NLGN1: variants seen among roughly 807,000 people sequenced by gnomAD.
The protein encoded by NLGN1 is neuroligin-1.
NLGN1 carries 12 observed loss-of-function variants against 65.5 expected under a neutral mutation model. That is an observed-to-expected ratio of 0.18 (90% CI 0.12 to 0.30). The LOEUF (loss-of-function observed/expected upper bound fraction) is 0.30, where lower values mean the gene tolerates loss of function less well. Among genes scored for constraint, NLGN1 ranks in the 10% least tolerant of loss-of-function variants. The probability of loss-of-function intolerance (pLI) is 1.00; values close to 1 mark genes in which losing one functional copy is unlikely to be tolerated. For synonymous variants in NLGN1, 350 were observed against 359.5 expected (o/e 0.97, Z 0.30); for missense variants, 750 against 1,007.1 (o/e 0.74, Z 3.46).
At chr3:173,694,958 T>C (rs1765995816) in intron 3 of NLGN1, among the ~76,000 whole-genome samples, 1 of 152,194 alleles carries the variant, frequency 6.6e-6, no homozygotes, top group Admixed American at 6.5e-5. Context: ...TCAGATTTCA[T>C]TAATAAATTC....
chr3:174,101,691 G>T (rs9877929), intron 4 of NLGN1, among the ~76,000 whole-genome samples: 31,970 of 151,974 alleles, frequency 0.21, 5,081 homozygotes, highest in African/African-American at 0.45. Flanking sequence ...TTGTTTTTCC[G>T]CAGGCCCTCG....
At chr3:174,110,212 T>C (rs1383113131) in intron 4 of NLGN1, among the ~76,000 whole-genome samples, 3 of 152,026 alleles carry the variant, frequency 2.0e-5, no homozygotes, top group Non-Finnish European at 4.4e-5. Flanking sequence ...TAGTTAATTC[T>C]CTATTCCATT....
At chr3:173,495,694 A>C (rs998635069) in intron 2 of NLGN1, among the ~76,000 whole-genome samples, 1 of 150,608 alleles carries the variant, frequency 6.6e-6, no homozygotes, top group South Asian at 2.1e-4. Context: ...AAAAAAAAAA[A>C]AAACTCTATT....
intron 4 of NLGN1, among the ~76,000 whole-genome samples, chr3:174,108,856 A>G (rs73042176): frequency 0.12 from 17,673 of 151,842 alleles, 1,584 homozygotes; most frequent in African/African-American, 0.24. Flanking sequence ...TCCCTAACTG[A>G]TCTGCTGATC....
chr3:174,185,147 G>C (rs1384107323), intron 4 of NLGN1, among the ~76,000 whole-genome samples: 1 of 152,020 alleles, frequency 6.6e-6, no homozygotes, highest in African/African-American at 2.4e-5. Flanking sequence ...TCCATCCTTT[G>C]AGACTCAAAT....
chr3:173,436,902 A>ATTTT (rs1718240974), intron 2 of NLGN1, among the ~76,000 whole-genome samples: 1 of 152,010 alleles, frequency 6.6e-6, no homozygotes, highest in African/African-American at 2.4e-5. Flanking sequence ...CAGTAACACT[A>ATTTT]TTTTTCTCTT....
At chr3:173,600,200 T>TCACACACACAC (rs1187383560) in intron 2 of NLGN1, among the ~76,000 whole-genome samples, 3,394 of 145,140 alleles carry the variant, frequency 0.023, 53 homozygotes, top group African/African-American at 0.03. Context: ...TACATGTGTG[T>TCACACACACAC]ACACACACAC....
chr3:173,517,776 A>ATCTG (rs1353951620), intron 2 of NLGN1, among the ~76,000 whole-genome samples: 1 of 151,714 alleles, frequency 6.6e-6, no homozygotes, highest in Non-Finnish European at 1.5e-5. Flanking sequence ...CTATCTATCT[A>ATCTG]TCTATCTATC....
intron 4 of NLGN1, among the ~76,000 whole-genome samples, chr3:174,214,434 A>AT (rs1737238826): frequency 6.6e-6 from 1 of 152,206 alleles, no homozygotes; most frequent in Non-Finnish European, 1.5e-5. Context: ...AGTGTTCCCT[A>AT]TTAAATATGT....
chr3:174,175,120 T>C (rs2152739635), intron 4 of NLGN1, among the ~76,000 whole-genome samples: 1 of 152,088 alleles, frequency 6.6e-6, no homozygotes, highest in Middle Eastern at 3.4e-3. Flanking sequence ...ATGTATACTC[T>C]GCAGCTTTTG....
intron 3 of NLGN1, among the ~76,000 whole-genome samples, chr3:173,769,906 C>T (rs573416747): frequency 6.6e-6 from 1 of 152,290 alleles, no homozygotes; most frequent in Non-Finnish European, 1.5e-5. Flanking sequence ...GGTAGCATTT[C>T]CCCTACAGGA....
At chr3:173,498,825 T>C (rs1730490611) in intron 2 of NLGN1, among the ~76,000 whole-genome samples, 1 of 151,944 alleles carries the variant, frequency 6.6e-6, no homozygotes, top group African/African-American at 2.4e-5. Flanking sequence ...CATTTTTTCA[T>C]GTGTCTGTTG....
At chr3:174,182,546 G>A (rs1730640369) in intron 4 of NLGN1, among the ~76,000 whole-genome samples, 2 of 152,084 alleles carry the variant, frequency 1.3e-5, no homozygotes, top group South Asian at 4.1e-4. Flanking sequence ...GTAGGTCTTG[G>A]GTAAGGCCTG....
intron 4 of NLGN1, among the ~76,000 whole-genome samples, chr3:174,124,174 C>A (rs1718371454): frequency 6.6e-6 from 1 of 152,036 alleles, no homozygotes; most frequent in Admixed American, 6.6e-5. Context: ...CTTAAACTTC[C>A]CAGCCTCTAG....
intron 4 of NLGN1, among the ~76,000 whole-genome samples, chr3:174,019,358 G>A (rs1232240235): frequency 6.6e-6 from 1 of 152,076 alleles, no homozygotes; most frequent in Non-Finnish European, 1.5e-5. Context: ...ATAAGAAGAG[G>A]AAGAGAGACT....
intron 4 of NLGN1, among the ~76,000 whole-genome samples, chr3:174,205,423 A>G (rs1577351125): frequency 6.6e-6 from 1 of 152,150 alleles, no homozygotes; most frequent in East Asian, 1.9e-4. Flanking sequence ...AATATAAATT[A>G]AAAGTTTTAA....
At chr3:173,839,186 T>C (rs1286085483) in intron 4 of NLGN1, among the ~76,000 whole-genome samples, 1 of 152,038 alleles carries the variant, frequency 6.6e-6, no homozygotes, top group East Asian at 1.9e-4. Flanking sequence ...ATCACCCTTT[T>C]CTTAATTTGT....
At chr3:173,797,149 G>A (rs1261720141) in intron 3 of NLGN1, among the ~76,000 whole-genome samples, 2 of 152,112 alleles carry the variant, frequency 1.3e-5, no homozygotes, top group African/African-American at 4.8e-5. Flanking sequence ...TTACTCCACT[G>A]AGGCTTCCTC....
intron 3 of NLGN1, among the ~76,000 whole-genome samples, chr3:173,651,042 C>T (rs747044858): frequency 6.6e-6 from 1 of 151,700 alleles, no homozygotes; most frequent in South Asian, 2.1e-4. Context: ...GAATAATATA[C>T]ATTGTATCCA....
Sources: allele counts gnomAD v4.1 joint callset (sites outside exome capture counted in the v4.1 genomes callset), GRCh38; gene constraint gnomAD v4.1.1; transcripts MANE v1.5; gene names NCBI Gene and HGNC (gene_info 2026-07-23, HGNC 2026-07-21).